Variants in CACNA1C observed in about 807,000 individuals in gnomAD.
The protein encoded by CACNA1C is calcium voltage-gated channel subunit alpha1 C.
A neutral mutation model predicts 229.0 loss-of-function variants in CACNA1C; 30 were observed. The ratio of observed to expected loss-of-function variants is 0.13; its 90% confidence interval spans 0.10 to 0.18. The LOEUF is 0.18. Among genes scored for constraint, CACNA1C ranks in the 10% least tolerant of loss-of-function variants. The pLI is 1.00. For missense variants in CACNA1C, 1,658 were observed against 2,845.0 expected, an observed-to-expected ratio of 0.58 and a Z score of 9.49; for synonymous variants, 1,114 against 1,132.5, an observed-to-expected ratio of 0.98 and a Z score of 0.33.
intron 3 of CACNA1C, among the ~76,000 whole-genome samples, chr12:2,166,545 A>G (rs1369181767): frequency 6.6e-6 from 1 of 152,222 alleles, no homozygotes; most frequent in African/African-American, 2.4e-5. Flanking sequence ...TCTGTCTAGT[A>G]TGGTGGGCAA....
chr12:1,973,557 C>A (rs2033238307), intron 1 of CACNA1C, among the ~76,000 whole-genome samples: 1 of 152,152 alleles, frequency 6.6e-6, no homozygotes, highest in Admixed American at 6.5e-5. Flanking sequence ...CATGTTATAT[C>A]ATTCAATCTT....
rs145251317 is a variant in CACNA1C, at chr12:2,235,402, G to A, written c.477+114972G>A. ...AGCTGCTGGGCACTGCACCAACCCT[G>A]ATGTGGCAGGACGAGGATGCCAAGG... is the stretch of plus-strand genomic sequence containing the variant. On this transcript the variant is annotated intron_variant, in intron 3 of 46. Transcript: ENST00000399655. 4.6e-5 allele frequency among the ~76,000 whole-genome samples: 7 copies of A among 152,338 alleles called. No individual in the cohort carries two copies. The East Asian group carries it at 9.6e-4, about 21-fold the overall frequency.
At chr12:2,582,322 A>G (rs1246022025) in intron 14 of CACNA1C, among the ~76,000 whole-genome samples, 1 of 152,172 alleles carries the variant, frequency 6.6e-6, no homozygotes, top group East Asian at 1.9e-4. Context: ...TTGTGATTTC[A>G]TAGATATTTT....
At chr12:2,219,594 G>C (rs1404985634) in intron 3 of CACNA1C, among the ~76,000 whole-genome samples, 1 of 152,182 alleles carries the variant, frequency 6.6e-6, no homozygotes, top group African/African-American at 2.4e-5. Context: ...TCCTTGTCCA[G>C]CTTTTCCTGT....
intron 11 of CACNA1C, among the ~76,000 whole-genome samples, chr12:2,559,122 A>T (rs1197036348): frequency 6.6e-6 from 1 of 152,212 alleles, no homozygotes; most frequent in Admixed American, 6.5e-5. Flanking sequence ...TTCAAACAAA[A>T]TATCTAATTT....
At chr12:2,042,616 G>C (rs1366869040) in intron 1 of CACNA1C, among the ~76,000 whole-genome samples, 3 of 152,166 alleles carry the variant, frequency 2.0e-5, no homozygotes, top group African/African-American at 7.2e-5. Flanking sequence ...ACACCACAGG[G>C]ATATGGACCT....
chr12:2,645,713 AG>A (rs1375987317), intron 30 of CACNA1C, among the ~76,000 whole-genome samples: 1 of 152,196 alleles, frequency 6.6e-6, no homozygotes, highest in Non-Finnish European at 1.5e-5. Flanking sequence ...GAAATCACTC[AG>A]GGATTGCTCT....
At chr12:2,506,613 A>G (rs2099772393) in intron 8 of CACNA1C, among the ~76,000 whole-genome samples, 1 of 152,232 alleles carries the variant, frequency 6.6e-6, no homozygotes, top group Admixed American at 6.5e-5. Flanking sequence ...ATCATCAAAT[A>G]TTAGACATGC....
intron 43 of CACNA1C, 88 bp downstream of exon 43, chr12:2,682,766 G>C (rs2097210013): frequency 1.5e-6 from 2 of 1,306,354 alleles, no homozygotes; most frequent in South Asian, 2.7e-5. Flanking sequence ...TCCCTCCTCT[G>C]GGGCTGATTG....
chr12:1,988,512 TGAG>T (rs767317552), intron 1 of CACNA1C, among the ~76,000 whole-genome samples: 2 of 152,216 alleles, frequency 1.3e-5, no homozygotes, highest in Non-Finnish European at 2.9e-5. Flanking sequence ...TAACCCTCTG[TGAG>T]GAGGCAACGC....
intron 5 of CACNA1C, among the ~76,000 whole-genome samples, chr12:2,471,887 G>T (rs1215630086): frequency 6.6e-6 from 1 of 152,188 alleles, no homozygotes; most frequent in Non-Finnish European, 1.5e-5. Context: ...CACCATCTTG[G>T]CCAGGCTGGC....
In CACNA1C at chr12:2,556,993, G is replaced by A. The variant is rs1358258790; in HGVS notation, c.1508+16G>A. 15 of 1,607,708 alleles carry A rather than the reference G, an allele frequency of 9.3e-6. No individual in the cohort carries two copies. The highest frequency in any genetic ancestry group is 1.3e-5 in the African/African-American group (1 of 74,792). On this transcript the variant is annotated intron_variant, in intron 11 of 46. Transcript: ENST00000399655. Reference sequence around the variant, plus strand: ...CAAAGTTCAGGTGAGTGAGACTCACGCTGCTCTTCCTTCCTTCTGCCACCA... The same window carrying A: ...CAAAGTTCAGGTGAGTGAGACTCACACTGCTCTTCCTTCCTTCTGCCACCA...
intron 10 of CACNA1C, 84 bp from the exon 11 acceptor site, chr12:2,556,867 A>G (rs1234895568): frequency 4.3e-6 from 5 of 1,169,102 alleles, no homozygotes; most frequent in Non-Finnish European, 6.5e-6. Flanking sequence ...CCTGGGGAAC[A>G]TCAAATTTCC....
chr12:2,001,390 T>C (rs1413117063), intron 1 of CACNA1C, among the ~76,000 whole-genome samples: 2 of 152,188 alleles, frequency 1.3e-5, no homozygotes, highest in African/African-American at 4.8e-5. Flanking sequence ...GATTTAATAT[T>C]ATACTGTATT....
intron 6 of CACNA1C, among the ~76,000 whole-genome samples, chr12:2,489,277 G>A (rs1457821046): frequency 1.3e-5 from 2 of 152,108 alleles, no homozygotes; most frequent in Non-Finnish European, 2.9e-5. Flanking sequence ...TGAATTTTAT[G>A]TATCTCTAGA....
chr12:2,001,107 C>T (rs2042109532), intron 1 of CACNA1C, among the ~76,000 whole-genome samples: 1 of 152,016 alleles, frequency 6.6e-6, no homozygotes, highest in Non-Finnish European at 1.5e-5. Context: ...ACGTCAGGCG[C>T]TCTATGACAC....
chr12:2,610,508 C>A lies in CACNA1C; in HGVS notation c.3559-33C>A, dbSNP rs1041068674. 5 of 1,592,140 alleles carry A rather than the reference C, an allele frequency of 3.1e-6. No homozygotes were observed. In the African/African-American group the frequency reaches 5.4e-5, roughly 17 times the overall value. ...CCCCCCACACCCTCCAGTTAACTAACCCCACTCTCCCCATCCTCCACCACC... is the reference window on the plus strand; with the variant it reads ...CCCCCCACACCCTCCAGTTAACTAAACCCACTCTCCCCATCCTCCACCACC... On this transcript the variant is annotated intron_variant, in intron 27 of 46. Coordinates refer to ENST00000399655, the MANE Select transcript of CACNA1C (RefSeq NM_000719.7).
intron 14 of CACNA1C, 34 bp downstream of exon 14, chr12:2,581,831 G>A (rs2153223969): frequency 7.1e-7 from 1 of 1,401,166 alleles, no homozygotes; most frequent in Non-Finnish European, 1.0e-6. Flanking sequence ...TTCGGACTCG[G>A]GGTGGTTGAG....
Position 2,502,731 on chromosome 12 carries a change from C to T in CACNA1C, c.1114-2111C>T, listed in dbSNP as rs12315580. ...TCGGTACTTCTCAGTCTTTTATTCC[C>T]GGCATGCAGAGAACATGTTTATCCA... On this transcript the variant is annotated intron_variant, in intron 7 of 46. Coordinates refer to ENST00000399655, the MANE Select transcript of CACNA1C (RefSeq NM_000719.7). Among the ~76,000 whole-genome samples the T allele has an allele frequency of 9.7e-3, 1,479 of 152,286 alleles. 32 individuals are homozygous for T. Among genetic ancestry groups the T allele is most frequent in the African/African-American group, 0.034 (1,401 of 41,554 alleles).
Sources: allele counts gnomAD v4.1 joint callset (sites outside exome capture counted in the v4.1 genomes callset), GRCh38; gene constraint gnomAD v4.1.1; transcripts MANE v1.5; gene names NCBI Gene and HGNC (gene_info 2026-07-23, HGNC 2026-07-21).